ABCC8: variants seen among roughly 807,000 people sequenced by gnomAD.
ABCC8 encodes ATP-binding cassette sub-family C member 8.
In ABCC8, 137 loss-of-function variants were observed where a neutral mutation model predicts 188.0. That is an observed-to-expected ratio of 0.73 (90% CI 0.63 to 0.84). The LOEUF is 0.84. Ranked by LOEUF, ABCC8 falls within the 40% of genes least tolerant of loss-of-function variation. The pLI is 0.00. For synonymous variants in ABCC8, 797 were observed against 846.5 expected (o/e 0.94, Z 1.01); for missense variants, 1,750 against 2,072.7 (o/e 0.84, Z 3.02).
intron 19 of ABCC8, 170 bp from the exon 20 acceptor site, chr11:17,413,648 G>T: frequency 7.4e-7 from 1 of 1,358,736 alleles, no homozygotes; most frequent in Non-Finnish European, 1.0e-6. Context: ...AAAGAGCTGA[G>T]GTCAGCACTT....
chr11:17,428,846 G>C lies in ABCC8; in HGVS notation c.1818-176C>G, dbSNP rs374351065. The C allele has an allele frequency of 4.2e-6, 5 of 1,194,406 alleles. No homozygotes were observed. The Admixed American group carries it at 1.2e-4, about 29-fold the overall frequency. The allele number at this position is 1,194,406 out of a possible 1,614,324, so 74.0% of individuals were successfully genotyped here. A position where few individuals can be genotyped will look rare whatever the true frequency, so the allele number is the denominator to read the frequency against. On this transcript the variant is annotated intron_variant, in intron 12 of 38. Coordinates refer to ENST00000389817, the MANE Select transcript of ABCC8 (RefSeq NM_000352.6). ...GGGGGCAGGTAATTGGTGTTACCAGGGTTTGCTAGGGTTGACCAGTCAGCT... is the reference window on the plus strand; with the variant it reads ...GGGGGCAGGTAATTGGTGTTACCAGCGTTTGCTAGGGTTGACCAGTCAGCT...
Position 17,428,415 on chromosome 11 carries a change from G to T in ABCC8, c.1924-10C>A. ...TCACAACCCTGAGGGGCTGGGGGTG[G>T]TTTGGAGGTGAGGACCCACTGGGCT... On this transcript the variant is annotated splice_polypyrimidine_tract_variant and intron_variant, in intron 13 of 38. Coordinates refer to ENST00000389817, the MANE Select transcript of ABCC8 (RefSeq NM_000352.6). The T allele has an allele frequency of 6.2e-7, 1 of 1,611,588 alleles. No homozygotes were observed. Among genetic ancestry groups the T allele is most frequent in the Middle Eastern group, 1.7e-4 (1 of 6,046 alleles).
chr11:17,441,860 T>A (rs1485110152), intron 10 of ABCC8, among the ~76,000 whole-genome samples: 1 of 152,172 alleles, frequency 6.6e-6, no homozygotes, highest in Non-Finnish European at 1.5e-5. Context: ...GGCGGGTGGA[T>A]CACGAGGTCA....
chr11:17,462,098 A>G (rs1182590491), intron 4 of ABCC8, among the ~76,000 whole-genome samples: 1 of 152,188 alleles, frequency 6.6e-6, no homozygotes, highest in East Asian at 1.9e-4. Context: ...GGGGAGGAGC[A>G]GGAATCTCTC....
intron 23 of ABCC8, chr11:17,407,660 G>C: frequency 2.0e-6 from 1 of 498,138 alleles, no homozygotes; most frequent in Non-Finnish European, 2.6e-6. Context: ...TATCCCTGTG[G>C]GGAACCACTC....
chr11:17,445,691 G>T (rs1230879517), intron 8 of ABCC8, among the ~76,000 whole-genome samples: 1 of 152,186 alleles, frequency 6.6e-6, no homozygotes, highest in Non-Finnish European at 1.5e-5. Flanking sequence ...TTGAGTGCTG[G>T]TCAAATCTAT....
In ABCC8 at chr11:17,427,184, T is replaced by C. The variant is rs777622233; in HGVS notation, c.2117-30A>G. The C allele has an allele frequency of 5.0e-6, 8 of 1,600,200 alleles. No homozygotes were observed. The Admixed American group carries it at 1.0e-4, about 20-fold the overall frequency. On this transcript the variant is annotated intron_variant, in intron 15 of 38. Coordinates refer to ENST00000389817, the MANE Select transcript of ABCC8 (RefSeq NM_000352.6). This position sits in a 1 kb window ranked among gnomAD's most constrained non-coding sequence, Gnocchi z 5.0. ...AGGGAGGGAGGGTGGCAGATGTGAG[T>C]GGGGCCGGGGGAGTCTGAACAACCA...
intron 16 of ABCC8, among the ~76,000 whole-genome samples, chr11:17,421,102 C>G (rs1197879371): frequency 6.6e-6 from 1 of 152,170 alleles, no homozygotes; most frequent in Non-Finnish European, 1.5e-5. Context: ...GTCTGCACAC[C>G]TCTGTCCATC....
chr11:17,428,140 G>A, intron 14 of ABCC8, 149 bp downstream of exon 14: 2 of 1,552,048 alleles, frequency 1.3e-6, no homozygotes, highest in Non-Finnish European at 8.7e-7. Flanking sequence ...CCCACTTGGT[G>A]GTCCCTGGTT....
chr11:17,450,326 C>CTTTCTTTCTT (rs1277082584), intron 7 of ABCC8, among the ~76,000 whole-genome samples: 2 of 108,844 alleles, frequency 1.8e-5, no homozygotes, highest in South Asian at 3.4e-4. Context: ...TTCTTTCTTT[C>CTTTCTTTCTT]TCTCTCTCTC....
At chr11:17,448,194 C>A in intron 8 of ABCC8, 1 of 362,238 alleles carries the variant, frequency 2.8e-6, no homozygotes, top group Non-Finnish European at 5.3e-6. Flanking sequence ...ATGTAATCTT[C>A]CTGCCTCAGC....
chr11:17,442,780 T>C lies in ABCC8; in HGVS notation c.1570A>G (p.Thr524Ala). ...WENIFRTRVE[T>A]TRRKEMTSLR... is the part of the protein sequence containing the mutation. ...CTGGTCATCTCCTTCCTGCGGGTCG[T>C]CTCCACCCGCGTGCGGAAGATGTTC... Residue 524 changes from threonine to alanine, a missense_variant, in exon 10 of 39, where the codon ACG becomes GCG. By Grantham distance (58) the Thr-to-Ala change is moderately conservative. Coordinates refer to ENST00000389817, the MANE Select transcript of ABCC8 (RefSeq NM_000352.6). 1 of 1,613,932 alleles carries C rather than the reference T, an allele frequency of 6.2e-7. No individual in the cohort carries two copies. Among genetic ancestry groups the C allele is most frequent in the Non-Finnish European group, 8.5e-7 (1 of 1,180,014 alleles).
intron 22 of ABCC8, among the ~76,000 whole-genome samples, chr11:17,409,861 T>C (rs1234953829): frequency 6.6e-6 from 1 of 152,220 alleles, no homozygotes; most frequent in Non-Finnish European, 1.5e-5. Flanking sequence ...CTACTGATAA[T>C]ATTGAAGTTT....
At position 17,430,912 on chromosome 11, in the gene ABCC8, G is replaced by T. The variant is rs2133549412; in HGVS notation, c.1719C>A (p.Pro573=). The T allele has an allele frequency of 6.2e-7, 1 of 1,614,258 alleles. No individual in the cohort carries two copies. The highest frequency in any genetic ancestry group is 8.5e-7 in the Non-Finnish European group (1 of 1,180,036). ...VSFFKEADFS[P]SVAFASLSLF... ...GGGAGAGGGAGGCAAAGGCCACGGA[G>T]GGCGAGAAGTCGGCCTCTTTGAAGA... Residue 573 remains proline (P), a synonymous_variant, in exon 12 of 39, where the codon CCC becomes CCA. Coordinates refer to ENST00000389817, the MANE Select transcript of ABCC8 (RefSeq NM_000352.6).
chr11:17,416,934 G>T lies in ABCC8; in HGVS notation c.2251C>A (p.Pro751Thr). Residue 751 changes from proline (P) to threonine (T), a missense_variant, in exon 17 of 39, where the codon CCC (proline) becomes ACC (threonine). By Grantham distance (38) the Pro-to-Thr change is conservative. Coordinates refer to ENST00000389817, the MANE Select transcript of ABCC8 (RefSeq NM_000352.6). ...SLPDSEIGED[P>T]SPERETATDL... ...GACCCAGTCCCAAGGCTGTACCTGG[G>T]GTCCTCTCCTATCTCGCTGTCAGGA... 1.2e-6 allele frequency: 2 copies of T among 1,613,974 alleles called. No homozygotes were observed. The highest frequency in any genetic ancestry group is 1.7e-6 in the Non-Finnish European group (2 of 1,179,998).
intron 6 of ABCC8, among the ~76,000 whole-genome samples, chr11:17,456,197 G>C (rs972486918): frequency 2.0e-5 from 3 of 152,174 alleles, no homozygotes; most frequent in Non-Finnish European, 2.9e-5. Flanking sequence ...CAAGCTCTCA[G>C]GGAAGAATTG....
At chr11:17,456,688 A>G (rs1957009697) in intron 6 of ABCC8, among the ~76,000 whole-genome samples, 1 of 152,152 alleles carries the variant, frequency 6.6e-6, no homozygotes, top group Admixed American at 6.5e-5. Context: ...GACTCATCAT[A>G]TATTAGCCAC....
chr11:17,428,460 G>C (rs1229434010), intron 13 of ABCC8, 55 bp from the exon 14 acceptor site: 3 of 1,603,958 alleles, frequency 1.9e-6, no homozygotes, highest in Non-Finnish European at 2.6e-6. Flanking sequence ...GTAGGGAAGG[G>C]AGCCCCTCTT....
intron 16 of ABCC8, among the ~76,000 whole-genome samples, chr11:17,426,505 G>A (rs576898298): frequency 2.3e-4 from 35 of 152,314 alleles, no homozygotes; most frequent in African/African-American, 8.2e-4. Flanking sequence ...TGAGCCTGGG[G>A]TTCTGGCTCT....
Sources: allele counts gnomAD v4.1 joint callset (sites outside exome capture counted in the v4.1 genomes callset), GRCh38; gene constraint gnomAD v4.1.1; non-coding constraint Gnocchi (gnomAD v3.1); transcripts MANE v1.5; gene names NCBI Gene and HGNC (gene_info 2026-07-23, HGNC 2026-07-21).